Variants in STXBP4 observed in about 807,000 individuals in gnomAD.
STXBP4 encodes syntaxin-binding protein 4.
In STXBP4, 55 loss-of-function variants were observed where a neutral mutation model predicts 76.1. The ratio of observed to expected loss-of-function variants is 0.72; its 90% confidence interval spans 0.58 to 0.91. STXBP4 has a LOEUF of 0.91. Ranked by LOEUF, STXBP4 falls within the 40% of genes least tolerant of loss-of-function variation. STXBP4 has a pLI of 0.00. For synonymous variants in STXBP4, 201 were observed against 220.2 expected (o/e 0.91, Z 0.77); for missense variants, 618 against 636.9 (o/e 0.97, Z 0.32).
intron 11 of STXBP4, chr17:55,044,053 C>T (rs1002803150): frequency 1.3e-5 from 2 of 157,536 alleles, no homozygotes; most frequent in Non-Finnish European, 2.8e-5. Flanking sequence ...GATGGTGTCT[C>T]ACTATTTTGT....
intron 17 of STXBP4, among the ~76,000 whole-genome samples, chr17:55,152,064 G>A (rs1408865450): frequency 6.6e-6 from 1 of 152,072 alleles, no homozygotes; most frequent in East Asian, 1.9e-4. Context: ...AATAATTTAG[G>A]ACAGTACACT....
chr17:55,101,908 A>G (rs2079570505), intron 16 of STXBP4, among the ~76,000 whole-genome samples: 2 of 152,214 alleles, frequency 1.3e-5, no homozygotes, highest in East Asian at 1.9e-4. Flanking sequence ...TACTGACATA[A>G]TGGACTCATT....
At chr17:55,004,944 G>A (rs1289473435) in intron 7 of STXBP4, among the ~76,000 whole-genome samples, 1 of 152,092 alleles carries the variant, frequency 6.6e-6, no homozygotes, top group African/African-American at 2.4e-5. Context: ...CTTCTATGAG[G>A]GGCTTTCAGG....
At position 55,029,480 on chromosome 17, in the gene STXBP4, T is replaced by C. The variant is rs572192204; in HGVS notation, c.667-1688T>C. Among the ~76,000 whole-genome samples, 5 of 152,064 alleles carry C rather than the reference T, an allele frequency of 3.3e-5. No homozygotes were observed. The East Asian group carries it at 5.8e-4, about 18-fold the overall frequency. On this transcript the variant is annotated intron_variant, in intron 8 of 17. Coordinates refer to ENST00000376352, the MANE Select transcript of STXBP4 (RefSeq NM_178509.6). Reference sequence around the variant, plus strand: ...TGAGTAATTGATGATAGTGAGTATATAGGTGTTCTTTGTATTATTATTTTT... The same window carrying C: ...TGAGTAATTGATGATAGTGAGTATACAGGTGTTCTTTGTATTATTATTTTT...
intron 16 of STXBP4, among the ~76,000 whole-genome samples, chr17:55,091,787 C>T (rs1598303530): frequency 6.6e-6 from 1 of 152,060 alleles, no homozygotes; most frequent in East Asian, 1.9e-4. Context: ...AGAATAGTGA[C>T]ACCTTTACTT....
chr17:55,097,451 C>G (rs2079502826), intron 16 of STXBP4, among the ~76,000 whole-genome samples: 1 of 152,106 alleles, frequency 6.6e-6, no homozygotes, highest in East Asian at 1.9e-4. Context: ...ATCACGAGGT[C>G]AGGAGATCGA....
intron 12 of STXBP4, among the ~76,000 whole-genome samples, chr17:55,071,091 C>T (rs2079114132): frequency 1.3e-5 from 2 of 152,186 alleles, no homozygotes; most frequent in South Asian, 4.2e-4. Context: ...TTAATTTTTG[C>T]CCATCTCCTT....
At position 55,172,800 on chromosome 17, in the gene STXBP4, AAATCCTGG is replaced by A. The variant is rs2080414048; in HGVS notation, c.*12890_*12897del. ...TCCTGATTTGTAAACTGAAGGTCCCAAATCCTGGGAACTCCCTCAGCTCTGGGCAAGCC... is the reference window on the plus strand; with the variant it reads ...TCCTGATTTGTAAACTGAAGGTCCCAGAACTCCCTCAGCTCTGGGCAAGCC... On this transcript the variant is annotated 3_prime_UTR_variant, in exon 18 of 18. Transcript: ENST00000376352. 1.3e-5 allele frequency: 2 copies of A among 152,220 alleles called. No homozygotes were observed. The highest frequency in any genetic ancestry group is 4.8e-5 in the African/African-American group (2 of 41,456). The allele number at this position is 152,220 out of a possible 1,614,324, so 9.4% of individuals were successfully genotyped here.
intron 12 of STXBP4, among the ~76,000 whole-genome samples, chr17:55,054,481 A>T (rs963861050): frequency 6.6e-6 from 1 of 152,108 alleles, no homozygotes; most frequent in African/African-American, 2.4e-5. Context: ...GTGATATTTC[A>T]TCTCAAAAAC....
intron 17 of STXBP4, among the ~76,000 whole-genome samples, chr17:55,158,320 A>G (rs1307496114): frequency 6.6e-6 from 1 of 152,202 alleles, no homozygotes; most frequent in Non-Finnish European, 1.5e-5. Flanking sequence ...CAGATCCACA[A>G]TCTTAAGTAA....
At chr17:55,069,007 A>G (rs1315521602) in intron 12 of STXBP4, among the ~76,000 whole-genome samples, 2 of 152,096 alleles carry the variant, frequency 1.3e-5, no homozygotes, top group African/African-American at 4.8e-5. Flanking sequence ...AAGTATTGGT[A>G]GCCTACAAAG....
At chr17:55,202,095 G>GAC in the STXBP4 span, among the ~76,000 whole-genome samples, 121,397 of 149,250 alleles carry the variant, frequency 0.81, 49,427 homozygotes, top group East Asian at 0.95. Context: ...GTAGATATGG[G>GAC]ACACACACAC....
the STXBP4 span, among the ~76,000 whole-genome samples, chr17:55,190,245 C>T: frequency 0.011 from 1,692 of 152,260 alleles, 13 homozygotes; most frequent in Admixed American, 0.017. Flanking sequence ...AGAACAATCC[C>T]TGCCCTCAGA....
intron 5 of STXBP4, 51 bp from the exon 6 acceptor site, chr17:54,999,581 G>A: frequency 1.3e-6 from 2 of 1,528,414 alleles, no homozygotes; most frequent in Non-Finnish European, 1.8e-6. Context: ...TTGGATTTCA[G>A]TTGTACTATA....
rs372496307 is a variant in STXBP4 at position 55,081,051 on chromosome 17, G to A, written c.1357G>A (p.Glu453Lys). ...AACTTTATTTTATTGCCTTCATAGT[G>A]AAAGAAGAGCTGTGTTAGCTTCTCA... ...DNSTPLSNLS[E>K]RRAVLASQTS... Residue 453 changes from glutamate to lysine, a missense_variant and splice_region_variant, in exon 16 of 18, where the codon GAA becomes AAA. Coordinates refer to ENST00000376352, the MANE Select transcript of STXBP4 (RefSeq NM_178509.6). 1 of 1,486,082 alleles carries A rather than the reference G, an allele frequency of 6.7e-7. No homozygotes were observed. The highest frequency in any genetic ancestry group is 8.9e-7 in the Non-Finnish European group (1 of 1,122,828). The allele number at this position is 1,486,082 out of a possible 1,614,324, so 92.1% of individuals were successfully genotyped here.
At chr17:55,150,925 G>T (rs2080209375) in intron 17 of STXBP4, among the ~76,000 whole-genome samples, 3 of 152,154 alleles carry the variant, frequency 2.0e-5, no homozygotes, top group Admixed American at 1.3e-4. Context: ...TTATCCAAAT[G>T]GGTCCAATCA....
At chr17:55,112,088 C>T (rs1010605123) in intron 16 of STXBP4, among the ~76,000 whole-genome samples, 2 of 88,868 alleles carry the variant, frequency 2.3e-5, no homozygotes, top group Non-Finnish European at 4.6e-5. Context: ...GCTAATTTTA[C>T]TCTTTTTTTT....
the STXBP4 span, among the ~76,000 whole-genome samples, chr17:55,195,229 G>T: frequency 1.3e-5 from 2 of 152,144 alleles, no homozygotes; most frequent in Non-Finnish European, 2.9e-5. Context: ...GCCTAGATGG[G>T]ACTGGGGAGT....
intron 16 of STXBP4, among the ~76,000 whole-genome samples, chr17:55,107,562 C>T (rs1363328753): frequency 6.6e-6 from 1 of 152,176 alleles, no homozygotes; most frequent in Non-Finnish European, 1.5e-5. Context: ...GGTTTTTCCA[C>T]GTCTTCGTTT....
Sources: gnomAD v4.1 joint callset for allele counts (sites outside exome capture counted in the v4.1 genomes callset) on GRCh38, gnomAD v4.1.1 for gene constraint, MANE v1.5 for transcripts, NCBI Gene and HGNC (gene_info 2026-07-23, HGNC 2026-07-21) for gene names.